The following GRM1 variants were observed in gnomAD, a reference collection of about 807,000 sequenced individuals.
GRM1 encodes the protein glutamate metabotropic receptor 1.
A neutral mutation model predicts 90.9 loss-of-function variants in GRM1; 33 were observed. The observed-to-expected ratio is 0.36, with a 90% confidence interval of 0.28 to 0.49. The LOEUF (loss-of-function observed/expected upper bound fraction) is 0.49. Among genes scored for constraint, GRM1 ranks in the 20% least tolerant of loss-of-function variants. The pLI is 0.99. For missense variants in GRM1, 1,190 were observed against 1,534.3 expected, an observed-to-expected ratio of 0.78 and a Z score of 3.75; for synonymous variants, 700 against 613.2, an observed-to-expected ratio of 1.14 and a Z score of -2.09.
At chr6:146,211,623 A>G (rs1779690161) in intron 2 of GRM1, among the ~76,000 whole-genome samples, 1 of 152,220 alleles carries the variant, frequency 6.6e-6, no homozygotes, top group African/African-American at 2.4e-5. Flanking sequence ...TTGAAAAAGC[A>G]TCTGTAAATT....
intron 1 of GRM1, among the ~76,000 whole-genome samples, chr6:146,043,800 T>TATATATATATATATATAG (rs1791216544): frequency 1.4e-5 from 2 of 142,434 alleles, no homozygotes; most frequent in South Asian, 4.3e-4. Flanking sequence ...TATATATATA[T>TATATATATATATATATAG]ATATATATAT....
At position 146,029,276 on chromosome 6, in the gene GRM1, G is replaced by A. The variant is rs997703068; in HGVS notation, c.-242G>A. On this transcript the variant is annotated 5_prime_UTR_variant, in exon 1 of 8. Coordinates refer to ENST00000282753, the MANE Select transcript of GRM1 (RefSeq NM_001278064.2). ...CTTGATGCACTACCGGTGAAGAACG[G>A]GGACTCGAATTCCCTTACAAACGCC... 5.3e-6 allele frequency: 3 copies of A among 567,678 alleles called. No individual in the cohort carries two copies. The highest frequency in any genetic ancestry group is 3.8e-5 in the African/African-American group (2 of 53,128). The allele number at this position is 567,678 out of a possible 1,614,324, so 35.2% of individuals were successfully genotyped here.
chr6:146,332,729 G>A (rs1369612069), intron 3 of GRM1, among the ~76,000 whole-genome samples: 2 of 152,236 alleles, frequency 1.3e-5, no homozygotes, highest in Non-Finnish European at 2.9e-5. Context: ...GACATCTGTA[G>A]GGGGCCATTC....
intron 2 of GRM1, among the ~76,000 whole-genome samples, chr6:146,253,963 T>G (rs1781390792): frequency 6.6e-6 from 1 of 151,936 alleles, no homozygotes; most frequent in Non-Finnish European, 1.5e-5. Context: ...CATAAGACAA[T>G]ATTTTACTTT....
At chr6:146,343,942 G>T (rs1346629673) in intron 3 of GRM1, among the ~76,000 whole-genome samples, 1 of 152,156 alleles carries the variant, frequency 6.6e-6, no homozygotes, top group Non-Finnish European at 1.5e-5. Context: ...GGCATTGGGT[G>T]TGCTTACTGC....
chr6:146,039,192 G>A (rs1201433114), intron 1 of GRM1, among the ~76,000 whole-genome samples: 1 of 151,992 alleles, frequency 6.6e-6, no homozygotes, highest in African/African-American at 2.4e-5. Flanking sequence ...GAGTAGGCAT[G>A]AGGTAGAGAG....
intron 1 of GRM1, among the ~76,000 whole-genome samples, chr6:146,122,314 G>A (rs1190815138): frequency 6.6e-6 from 1 of 151,982 alleles, no homozygotes; most frequent in Non-Finnish European, 1.5e-5. Flanking sequence ...GCAAGATAAT[G>A]TTTGTTTCTC....
Position 146,399,903 on chromosome 6 carries a change from A to G in GRM1, c.2660+204A>G. The stretch of plus-strand genomic sequence containing the variant: ...ACATTCTGTTGCAGTAAGAATGCAG[A>G]ACTGAGGCTCCTCCCTGTTTTCATT... On this transcript the variant is annotated intron_variant, in intron 7 of 7. Coordinates refer to ENST00000282753, the MANE Select transcript of GRM1 (RefSeq NM_001278064.2). This position sits in a 1 kb window ranked among gnomAD's most constrained non-coding sequence, Gnocchi z 5.4. Among the ~76,000 whole-genome samples the G allele has an allele frequency of 6.6e-6, 1 of 152,168 alleles. No individual in the cohort carries two copies. Among genetic ancestry groups the G allele is most frequent in the East Asian group, 1.9e-4 (1 of 5,186 alleles).
Position 146,434,380 on chromosome 6 carries a change from G to A in GRM1, c.3169G>A (p.Gly1057Ser). ...TCACGCGGTGCTGGCAGGCCCCGGT[G>A]GTCCCGGGAACGGGCTGCGGTCCCT... ...DFHAVLAGPG[G>S]PGNGLRSLYP... is the part of the protein sequence containing the mutation. The change falls in exon 8 of 8, where the codon GGT becomes AGT. Residue 1057 changes from glycine (G) to serine (S), a missense_variant. Gly to Ser is a moderately conservative substitution (Grantham distance 56). Transcript: ENST00000282753. The A allele has an allele frequency of 6.2e-7, 1 of 1,613,248 alleles. No individual in the cohort carries two copies. Among genetic ancestry groups the A allele is most frequent in the Non-Finnish European group, 8.5e-7 (1 of 1,179,566 alleles).
In GRM1 at chr6:146,159,493, C is replaced by G; in HGVS notation, c.846C>G (p.Pro282=). 6.2e-7 allele frequency: 1 copy of G among 1,614,166 alleles called. No homozygotes were observed. Among genetic ancestry groups the G allele is most frequent in the East Asian group, 2.2e-5 (1 of 44,876 alleles). The change falls in exon 2 of 8, where the codon CCC becomes CCG. Residue 282 remains proline, a synonymous_variant. Coordinates refer to ENST00000282753, the MANE Select transcript of GRM1 (RefSeq NM_001278064.2). The stretch of plus-strand genomic sequence containing the variant: ...TGCGCAAACTCCGAGAGAGGCTTCC[C>G]AAGGCTAGAGTGGTGGTCTGCTTCT... ...RLLRKLRERL[P]KARVVVCFCE...
chr6:146,093,885 A>AG (rs1776792667), intron 1 of GRM1, among the ~76,000 whole-genome samples: 2 of 152,074 alleles, frequency 1.3e-5, no homozygotes, highest in Non-Finnish European at 2.9e-5. Context: ...CTACTCGAAT[A>AG]ACAGGGGAAT....
intron 6 of GRM1, among the ~76,000 whole-genome samples, chr6:146,397,013 C>G (rs1776963611): frequency 6.6e-6 from 1 of 152,116 alleles, no homozygotes; most frequent in Non-Finnish European, 1.5e-5. Context: ...GAGAATGACT[C>G]TCATGCTAGT....
At chr6:146,320,754 G>T (rs374565900) in intron 3 of GRM1, among the ~76,000 whole-genome samples, 1 of 152,022 alleles carries the variant, frequency 6.6e-6, no homozygotes, top group South Asian at 2.1e-4. Context: ...GTTTATTTGC[G>T]TAGAGGTGTT....
chr6:146,411,583 A>G (rs1391451241), intron 7 of GRM1, among the ~76,000 whole-genome samples: 1 of 152,180 alleles, frequency 6.6e-6, no homozygotes, highest in Non-Finnish European at 1.5e-5. Context: ...CCCAGTATGC[A>G]GGATGTTTAG....
rs190807692 is a variant in GRM1 at position 146,362,462 on chromosome 6, G to A, written c.1602+4768G>A. On this transcript the variant is annotated intron_variant, in intron 5 of 7. Transcript: ENST00000282753. ...GGGGAGGCTGAGACAGGCAGATCAC[G>A]AGGTCAGGAGATCGAGACAATCCTG... Among the ~76,000 whole-genome samples, 901 of 152,032 alleles carry A rather than the reference G, an allele frequency of 5.9e-3. 9 individuals are homozygous for A. The highest frequency in any genetic ancestry group is 0.034 in the Middle Eastern group (10 of 294).
chr6:146,423,276 T>G (rs1778068365), intron 7 of GRM1, among the ~76,000 whole-genome samples: 1 of 152,232 alleles, frequency 6.6e-6, no homozygotes, highest in South Asian at 2.1e-4. Context: ...GTCAACCTCT[T>G]TCTCTCAGTT....
chr6:146,381,948 A>G (rs778901100), intron 5 of GRM1, among the ~76,000 whole-genome samples: 2 of 152,198 alleles, frequency 1.3e-5, no homozygotes, highest in Non-Finnish European at 2.9e-5. Context: ...TTAATTTCCT[A>G]TGGTATAAAT....
At chr6:146,150,840 T>C (rs1426692510) in intron 1 of GRM1, among the ~76,000 whole-genome samples, 1 of 152,104 alleles carries the variant, frequency 6.6e-6, no homozygotes, top group Admixed American at 6.6e-5. Context: ...TCAGTTAACA[T>C]AATGTCCTCC....
At chr6:146,155,169 A>C (rs1033133060) in intron 1 of GRM1, among the ~76,000 whole-genome samples, 3 of 152,234 alleles carry the variant, frequency 2.0e-5, no homozygotes, top group Admixed American at 6.5e-5. Flanking sequence ...TAAAGCAATC[A>C]GTAATATGTA....
Sources: allele counts gnomAD v4.1 joint callset (sites outside exome capture counted in the v4.1 genomes callset), GRCh38; gene constraint gnomAD v4.1.1; non-coding constraint Gnocchi (gnomAD v3.1); transcripts MANE v1.5; gene names NCBI Gene and HGNC (gene_info 2026-07-23, HGNC 2026-07-21).